The following MECOM variants were observed in gnomAD, a reference collection of about 807,000 sequenced individuals.
MECOM encodes histone-lysine N-methyltransferase MECOM.
In MECOM, 13 loss-of-function variants were observed where a neutral mutation model predicts 116.3. The observed-to-expected ratio is 0.11, with a 90% CI of 0.07 to 0.18. The LOEUF is 0.18. Among genes scored for constraint, MECOM ranks in the 10% least tolerant of loss-of-function variants. The pLI is 1.00. For synonymous variants in MECOM, 528 were observed against 535.2 expected (o/e 0.99, Z 0.19); for missense variants, 1,299 against 1,509.0 (o/e 0.86, Z 2.31).
intron 2 of MECOM, among the ~76,000 whole-genome samples, chr3:169,181,407 T>C (rs1416673422): frequency 6.6e-6 from 1 of 152,210 alleles, no homozygotes; most frequent in Non-Finnish European, 1.5e-5. Context: ...AATGCAGATA[T>C]AGAACATTTT....
intron 1 of MECOM, among the ~76,000 whole-genome samples, chr3:169,471,335 T>G (rs1032010900): frequency 6.7e-6 from 1 of 149,758 alleles, no homozygotes; most frequent in Non-Finnish European, 1.5e-5. Context: ...TATTTTTGCT[T>G]CTGCTTTTCT....
At chr3:169,097,396 G>A (rs566429759) in intron 12 of MECOM, among the ~76,000 whole-genome samples, 18 of 152,128 alleles carry the variant, frequency 1.2e-4, no homozygotes, top group African/African-American at 3.9e-4. Context: ...TCCAATAAGA[G>A]CCTAAGTTTT....
At chr3:169,638,705 G>T (rs947141728) in intron 1 of MECOM, among the ~76,000 whole-genome samples, 1 of 152,126 alleles carries the variant, frequency 6.6e-6, no homozygotes, top group African/African-American at 2.4e-5. Context: ...ATGGTTAGTT[G>T]CCTCCCCAAT....
At chr3:169,209,287 A>C (rs1750384906) in intron 2 of MECOM, among the ~76,000 whole-genome samples, 1 of 152,208 alleles carries the variant, frequency 6.6e-6, no homozygotes, top group African/African-American at 2.4e-5. Flanking sequence ...TTCAGGACAT[A>C]GGCATGGGCA....
intron 1 of MECOM, among the ~76,000 whole-genome samples, chr3:169,557,587 T>C (rs1399526794): frequency 6.6e-6 from 1 of 152,208 alleles, no homozygotes; most frequent in Non-Finnish European, 1.5e-5. Flanking sequence ...ATCAGGTATA[T>C]TGTCTACACC....
chr3:169,338,345 C>A (rs1455570488), intron 2 of MECOM, among the ~76,000 whole-genome samples: 1 of 152,120 alleles, frequency 6.6e-6, no homozygotes, highest in African/African-American at 2.4e-5. Flanking sequence ...ATAATTATCA[C>A]CCTGTATCGT....
chr3:169,395,983 C>T (rs1465280514), intron 1 of MECOM, among the ~76,000 whole-genome samples: 1 of 151,970 alleles, frequency 6.6e-6, no homozygotes, highest in East Asian at 1.9e-4. Context: ...AGAAATGAGC[C>T]TTAAGGAGTC....
intron 9 of MECOM, among the ~76,000 whole-genome samples, chr3:169,108,195 AC>A (rs1405690287): frequency 6.6e-6 from 1 of 152,158 alleles, no homozygotes; most frequent in East Asian, 1.9e-4. Context: ...GCTAAATGCT[AC>A]CTACTAGCAA....
chr3:169,383,333 C>G (rs1171839575), intron 1 of MECOM, among the ~76,000 whole-genome samples: 1 of 152,140 alleles, frequency 6.6e-6, no homozygotes, highest in Non-Finnish European at 1.5e-5. Context: ...AGCTCATTAT[C>G]ATTCAAGTTC....
chr3:169,476,692 C>T (rs1288517506), intron 1 of MECOM, among the ~76,000 whole-genome samples: 3 of 152,028 alleles, frequency 2.0e-5, no homozygotes, highest in South Asian at 2.1e-4. Flanking sequence ...CCCTTCTCCC[C>T]CTTCCCTTTA....
chr3:169,320,389 CAG>C (rs961903184), intron 2 of MECOM, among the ~76,000 whole-genome samples: 5 of 152,038 alleles, frequency 3.3e-5, no homozygotes, highest in African/African-American at 1.2e-4. Context: ...TGAAGACATA[CAG>C]AGAGAAAGAA....
intron 1 of MECOM, among the ~76,000 whole-genome samples, chr3:169,476,257 A>G (rs1364695563): frequency 6.6e-6 from 1 of 152,254 alleles, no homozygotes; most frequent in African/African-American, 2.4e-5. Context: ...GTATTACACA[A>G]TTAGATTGAT....
At chr3:169,437,092 T>C (rs1283065808) in intron 1 of MECOM, among the ~76,000 whole-genome samples, 3 of 152,238 alleles carry the variant, frequency 2.0e-5, no homozygotes, top group Non-Finnish European at 4.4e-5. Context: ...GTTTTGTATT[T>C]GACTTTATGA....
At chr3:169,302,793 GAC>G (rs1716980461) in intron 2 of MECOM, among the ~76,000 whole-genome samples, 1 of 151,796 alleles carries the variant, frequency 6.6e-6, no homozygotes, top group Admixed American at 6.6e-5. Flanking sequence ...GAACCCAGGA[GAC>G]AGAGATTGCA....
At chr3:169,166,293 C>T (rs555544353) in intron 2 of MECOM, among the ~76,000 whole-genome samples, 47 of 152,148 alleles carry the variant, frequency 3.1e-4, no homozygotes, top group African/African-American at 8.4e-4. Flanking sequence ...GGTAGGGAAG[C>T]GGGGAGTGCG....
At chr3:169,562,153 AAAAAAAAAAGGAAAGAAAGAAAG>A (rs1313729746) in intron 1 of MECOM, among the ~76,000 whole-genome samples, 1 of 143,300 alleles carries the variant, frequency 7.0e-6, no homozygotes, top group Non-Finnish European at 1.5e-5. Flanking sequence ...AAAAAAAAAA[AAAAAAAAAAGGAAAGAAAGAAAG>A]AAAAAAAAAA....
chr3:169,428,167 G>A (rs543738601), intron 1 of MECOM, among the ~76,000 whole-genome samples: 12 of 152,306 alleles, frequency 7.9e-5, no homozygotes, highest in South Asian at 2.1e-4. Context: ...GCAACACAGC[G>A]AGAAGAAACC....
chr3:169,408,568 T>A (rs1447425763), intron 1 of MECOM, among the ~76,000 whole-genome samples: 1 of 152,216 alleles, frequency 6.6e-6, no homozygotes, highest in African/African-American at 2.4e-5. Context: ...ACGGTCTTGA[T>A]GTCTTGATTT....
chr3:169,431,558 A>C (rs1424433293), intron 1 of MECOM, among the ~76,000 whole-genome samples: 1 of 152,160 alleles, frequency 6.6e-6, no homozygotes, highest in African/African-American at 2.4e-5. Context: ...CTTTGAGCTC[A>C]AGTTAACTTC....
Sources: gnomAD v4.1 joint callset for allele counts (sites outside exome capture counted in the v4.1 genomes callset) on GRCh38, gnomAD v4.1.1 for gene constraint, MANE v1.5 for transcripts, NCBI Gene and HGNC (gene_info 2026-07-23, HGNC 2026-07-21) for gene names.